Variants in LRRC37A2 observed in about 807,000 individuals in gnomAD.
LRRC37A2 encodes leucine-rich repeat-containing protein 37A2.
LRRC37A2 carries 9 observed loss-of-function variants against 68.8 expected under a neutral mutation model. That is an observed-to-expected ratio of 0.13 (90% confidence interval 0.08 to 0.23). The LOEUF (loss-of-function observed/expected upper bound fraction) is 0.23. Ranked by LOEUF, LRRC37A2 falls within the 10% of genes least tolerant of loss-of-function variation. LRRC37A2 has a pLI of 1.00. For missense variants in LRRC37A2, 168 were observed against 950.4 expected (o/e 0.18, Z 10.82); for synonymous variants, 63 against 367.6 (o/e 0.17, Z 9.48).
chr17:46,610,105 CTCT>C, the LRRC37A2 span, among the ~76,000 whole-genome samples: 1 of 115,328 alleles, frequency 8.7e-6, no homozygotes, highest in African/African-American at 3.4e-5. Flanking sequence ...CTCTTTCTCT[CTCT>C]CTCTCTCTCT....
chr17:46,709,067 C>T, the LRRC37A2 span, among the ~76,000 whole-genome samples: 1 of 151,886 alleles, frequency 6.6e-6, no homozygotes, highest in Non-Finnish European at 1.5e-5. Context: ...TCGTGATCCA[C>T]CCACCTTGGC....
At chr17:46,526,420 C>G (rs62073313) in intron 6 of LRRC37A2, among the ~76,000 whole-genome samples, 31,929 of 101,582 alleles carry the variant, frequency 0.31, 12,538 homozygotes, top group Middle Eastern at 0.51. Context: ...TGTGGTTGAT[C>G]GATGATGAAT....
At chr17:46,839,133 C>G in the LRRC37A2 span, among the ~76,000 whole-genome samples, 4 of 152,210 alleles carry the variant, frequency 2.6e-5, no homozygotes, top group Admixed American at 2.6e-4. Flanking sequence ...CCGCCTCGGC[C>G]TCCCAAAGTA....
chr17:46,969,809 T>C, the LRRC37A2 span, among the ~76,000 whole-genome samples: 1 of 152,170 alleles, frequency 6.6e-6, no homozygotes, highest in Admixed American at 6.5e-5. Flanking sequence ...TAGGAAGGCA[T>C]GAGGTCCCCC....
At chr17:46,907,186 G>C in the LRRC37A2 span, among the ~76,000 whole-genome samples, 2,948 of 152,320 alleles carry the variant, frequency 0.019, 92 homozygotes, top group African/African-American at 0.066. Flanking sequence ...AGACAGCAGA[G>C]GGCTGAGCCA....
the LRRC37A2 span, among the ~76,000 whole-genome samples, chr17:46,800,766 G>A: frequency 6.6e-6 from 1 of 152,148 alleles, no homozygotes; most frequent in African/African-American, 2.4e-5. Flanking sequence ...GAAAGATGAT[G>A]GAGAACTGGT....
the LRRC37A2 span, among the ~76,000 whole-genome samples, chr17:46,384,282 TAA>T: frequency 1.5e-4 from 6 of 41,210 alleles, no homozygotes; most frequent in African/African-American, 1.2e-4. Context: ...CCCACTCCTT[TAA>T]AAAAAAAAAA....
At chr17:46,498,483 T>C in the LRRC37A2 span, among the ~76,000 whole-genome samples, 4 of 137,452 alleles carry the variant, frequency 2.9e-5, no homozygotes, top group African/African-American at 3.1e-5. Context: ...GTGATAGAGC[T>C]GGTCCCCAAC....
At chr17:46,876,268 C>T in the LRRC37A2 span, 4 of 1,612,118 alleles carry the variant, frequency 2.5e-6, no homozygotes, top group African/African-American at 5.3e-5. Context: ...GCCTCAGGAC[C>T]ACGTGTAAGT....
the LRRC37A2 span, among the ~76,000 whole-genome samples, chr17:46,833,791 G>C: frequency 5.3e-5 from 8 of 152,180 alleles, no homozygotes; most frequent in African/African-American, 1.9e-4. Context: ...GAAACTGCTG[G>C]GGGCTCCTGA....
At chr17:46,584,884 C>CGTCT in the LRRC37A2 span, among the ~76,000 whole-genome samples, 1 of 20,078 alleles carries the variant, frequency 5.0e-5, no homozygotes, top group Admixed American at 4.3e-4. Flanking sequence ...AATACCCAGA[C>CGTCT]CACCTTCCCC....
the LRRC37A2 span, among the ~76,000 whole-genome samples, chr17:46,856,869 T>C: frequency 4.5e-4 from 69 of 152,234 alleles, no homozygotes; most frequent in Non-Finnish European, 8.4e-4. Context: ...AATGACTACA[T>C]AGAACATTTC....
At chr17:46,812,985 C>G in the LRRC37A2 span, among the ~76,000 whole-genome samples, 1 of 151,998 alleles carries the variant, frequency 6.6e-6, no homozygotes, top group Non-Finnish European at 1.5e-5. Flanking sequence ...CCCTAGTTAC[C>G]CAGGTAGTAC....
the LRRC37A2 span, among the ~76,000 whole-genome samples, chr17:46,862,640 T>A: frequency 6.6e-6 from 1 of 152,312 alleles, no homozygotes; most frequent in East Asian, 1.9e-4. Flanking sequence ...TGGAGTGCAG[T>A]GGCAGGATCT....
At chr17:46,558,312 G>A (rs2057394682), downstream of LRRC37A2, among the ~76,000 whole-genome samples, 1 of 109,922 alleles carries the variant, frequency 9.1e-6, no homozygotes. Context: ...CACCCGCCCT[G>A]GCCTCCCAAA....
chr17:46,755,302 T>G, the LRRC37A2 span: 9 of 1,608,542 alleles, frequency 5.6e-6, no homozygotes, highest in Admixed American at 8.3e-5. Flanking sequence ...TCATTTCTTC[T>G]GATGTATTTA....
chr17:46,891,522 G>A, the LRRC37A2 span, among the ~76,000 whole-genome samples: 1 of 152,194 alleles, frequency 6.6e-6, no homozygotes, highest in Non-Finnish European at 1.5e-5. Context: ...CAAGATCTGA[G>A]AGGCTTCCAA....
the LRRC37A2 span, among the ~76,000 whole-genome samples, chr17:46,965,938 C>A: frequency 6.6e-6 from 1 of 152,000 alleles, no homozygotes; most frequent in African/African-American, 2.4e-5. Flanking sequence ...GCTGCTATGA[C>A]TTTTCTTTAA....
the LRRC37A2 span, among the ~76,000 whole-genome samples, chr17:46,790,563 C>T: frequency 3.3e-5 from 5 of 152,188 alleles, no homozygotes; most frequent in African/African-American, 9.6e-5. Context: ...CTCTGCCCTC[C>T]CCCTGGGCCC....
Sources: allele counts gnomAD v4.1 joint callset (sites outside exome capture counted in the v4.1 genomes callset), GRCh38; gene constraint gnomAD v4.1.1; transcripts MANE v1.5; gene names NCBI Gene and HGNC (gene_info 2026-07-23, HGNC 2026-07-21).